SNED1: variants seen among roughly 807,000 people sequenced by gnomAD.
SNED1 encodes the protein sushi, nidogen and EGF-like domain-containing protein 1.
Under a neutral mutation model 166.7 loss-of-function variants are expected in SNED1, and 81 were observed. That is an observed-to-expected ratio of 0.49 (90% CI 0.41 to 0.58). The LOEUF (loss-of-function observed/expected upper bound fraction) is 0.58, where lower values mean the gene tolerates loss of function less well. SNED1 is among the 20% of genes least tolerant of loss of function. The pLI, the probability that SNED1 is intolerant of heterozygous loss-of-function variation, is 0.00. For missense variants in SNED1, 1,604 were observed against 2,000.2 expected (o/e 0.80, Z 3.78); for synonymous variants, 762 against 822.0 (o/e 0.93, Z 1.25).
At chr2:241,084,182 G>A (rs1347315609) in intron 29 of SNED1, among the ~76,000 whole-genome samples, 2 of 143,354 alleles carry the variant, frequency 1.4e-5, no homozygotes, top group Non-Finnish European at 3.0e-5. Context: ...TGTCCCCCAG[G>A]CTGGAGTGCG....
Position 241,093,387 on chromosome 2 carries a change from C to G in SNED1, c.*1751C>G, listed in dbSNP as rs1254618752. Reference sequence around the variant, plus strand: ...TAGGTGAATCCTACTAGGAAACTTTCTACTCCCTACTAGGACCTCAAGCCC... The same window carrying G: ...TAGGTGAATCCTACTAGGAAACTTTGTACTCCCTACTAGGACCTCAAGCCC... On this transcript the variant is annotated 3_prime_UTR_variant, in exon 32 of 32. Coordinates refer to ENST00000310397, the MANE Select transcript of SNED1 (RefSeq NM_001080437.3). 6.5e-6 allele frequency: 1 copy of G among 152,720 alleles called. No individual in the cohort carries two copies. The highest frequency in any genetic ancestry group is 1.5e-5 in the Non-Finnish European group (1 of 68,060). 9.5% of individuals were successfully genotyped at this position (152,720 alleles called of 1,614,324 possible). A position where few individuals can be genotyped will look rare whatever the true frequency, so the allele number is the denominator to read the frequency against.
In SNED1 at chr2:241,067,960, A is replaced by C. The variant is rs1290564420; in HGVS notation, c.3194+13A>C. The C allele has an allele frequency of 5.0e-6, 8 of 1,595,180 alleles. No individual in the cohort carries two copies. The highest frequency in any genetic ancestry group is 6.0e-6 in the Non-Finnish European group (7 of 1,165,704). On this transcript the variant is annotated intron_variant, in intron 22 of 31. Transcript: ENST00000310397. The stretch of plus-strand genomic sequence containing the variant: ...GGTTCACCTTTAGGTAAGAAGGGAC[A>C]CCCAGAGCATGGGGCTGGGGTGAAG...
intron 1 of SNED1, among the ~76,000 whole-genome samples, chr2:241,005,344 C>T (rs1237294311): frequency 6.6e-6 from 1 of 152,062 alleles, no homozygotes; most frequent in East Asian, 1.9e-4. Context: ...CCTGGGACTA[C>T]AGGTGCCCAC....
In SNED1 at chr2:241,091,409, T is replaced by A. The variant is rs2063978194; in HGVS notation, c.*2-229T>A. 9.9e-6 allele frequency among the ~76,000 whole-genome samples: 1 copy of A among 100,646 alleles called. No individual in the cohort carries two copies. The highest frequency in any genetic ancestry group is 7.8e-5 in the African/African-American group (1 of 12,884). 66.0% of individuals were successfully genotyped at this position (100,646 alleles called of 152,430 possible). A position where few individuals can be genotyped will look rare whatever the true frequency, so the allele number is the denominator to read the frequency against. On this transcript the variant is annotated intron_variant, in intron 31 of 31. Transcript: ENST00000310397. This position sits in a 1 kb window ranked among gnomAD's most constrained non-coding sequence, Gnocchi z 4.1. ...AGATGGGGATGTAGTCGGTGGAGGC[T>A]GCCCCTCCCCGTGTGCACTGCCATA...
rs2064357525 is a variant in SNED1 at position 241,095,556 on chromosome 2, T to G, written c.*3920T>G. The stretch of plus-strand genomic sequence containing the variant: ...TTTCATAAAATAAAGTGCTATGATG[T>G]ACTAAAACCTCACATTGCCTTCTCG... On this transcript the variant is annotated 3_prime_UTR_variant, in exon 32 of 32. Transcript: ENST00000310397. 1 of 175,796 alleles carries G rather than the reference T, an allele frequency of 5.7e-6. No homozygotes were observed. The highest frequency in any genetic ancestry group is 5.4e-5 in the Admixed American group (1 of 18,496). 10.9% of individuals were successfully genotyped at this position (175,796 alleles called of 1,614,324 possible).
At chr2:241,067,677 C>T (rs1315144506) in intron 21 of SNED1, 87 bp from the exon 22 acceptor site, 1 of 1,178,294 alleles carries the variant, frequency 8.5e-7, no homozygotes, top group Non-Finnish European at 1.2e-6. Context: ...CCCCAGCACC[C>T]TCCCAAGCCT....
At chr2:241,044,824 G>A (rs954636987) in intron 8 of SNED1, among the ~76,000 whole-genome samples, 8 of 152,244 alleles carry the variant, frequency 5.3e-5, no homozygotes, top group African/African-American at 1.9e-4. Context: ...CCCATTACTT[G>A]GTCCCAGCCA....
intron 1 of SNED1, among the ~76,000 whole-genome samples, chr2:241,017,142 C>T (rs2060623089): frequency 6.6e-6 from 1 of 152,212 alleles, no homozygotes; most frequent in Non-Finnish European, 1.5e-5. Context: ...TGAGCCACCA[C>T]ACCCAGCCAA....
rs897932661 is a variant in SNED1, at chr2:241,093,222, G to C, written c.*1586G>C. The C allele has an allele frequency of 1.3e-5, 2 of 152,634 alleles. No homozygotes were observed. The highest frequency in any genetic ancestry group is 4.8e-5 in the African/African-American group (2 of 41,462). 9.5% of individuals were successfully genotyped at this position (152,634 alleles called of 1,614,324 possible). A position where few individuals can be genotyped will look rare whatever the true frequency, so the allele number is the denominator to read the frequency against. On this transcript the variant is annotated 3_prime_UTR_variant, in exon 32 of 32. Coordinates refer to ENST00000310397, the MANE Select transcript of SNED1 (RefSeq NM_001080437.3). ...TGAAGGGTCTCGAGCTCAGCGAAGGGTCACTGGGTGAACTGAGAGAAACCA... is the reference window on the plus strand; with the variant it reads ...TGAAGGGTCTCGAGCTCAGCGAAGGCTCACTGGGTGAACTGAGAGAAACCA...
intron 1 of SNED1, among the ~76,000 whole-genome samples, chr2:241,016,850 CTTT>C (rs5839783): frequency 4.8e-5 from 6 of 125,808 alleles, no homozygotes; most frequent in Non-Finnish European, 3.3e-5. Context: ...TTCTTTCTTT[CTTT>C]TTTTTTTTTT....
Position 241,037,368 on chromosome 2 carries a change from C to G in SNED1, c.1045+15C>G. On this transcript the variant is annotated intron_variant, in intron 6 of 31. Coordinates refer to ENST00000310397, the MANE Select transcript of SNED1 (RefSeq NM_001080437.3). ...CTGTGAGACAGGTAAGAGGAACCCA[C>G]CGGGGCCCACGGGGCCCTGCTGGGG... 6.4e-7 allele frequency: 1 copy of G among 1,560,704 alleles called. No individual in the cohort carries two copies. The highest frequency in any genetic ancestry group is 8.8e-7 in the Non-Finnish European group (1 of 1,141,700).
At chr2:241,081,109 G>A (rs1016522113) in intron 27 of SNED1, among the ~76,000 whole-genome samples, 3 of 152,250 alleles carry the variant, frequency 2.0e-5, no homozygotes, top group East Asian at 1.9e-4. Context: ...ATCACAGGCC[G>A]CCTGGGCTGG....
intron 31 of SNED1, chr2:241,089,893 C>A: frequency 6.7e-7 from 1 of 1,503,236 alleles, no homozygotes; most frequent in Non-Finnish European, 8.9e-7. Flanking sequence ...ATACTGTAGG[C>A]GGTCGTAACA....
intron 27 of SNED1, among the ~76,000 whole-genome samples, chr2:241,078,981 GCA>G: frequency 6.6e-6 from 1 of 151,866 alleles, no homozygotes; most frequent in East Asian, 1.9e-4. Context: ...AGGCATGGTG[GCA>G]CACGCCTATA....
In SNED1 at chr2:241,067,888, T is replaced by C. The variant is rs2062528816; in HGVS notation, c.3135T>C (p.Pro1045=). 1 of 1,613,482 alleles carries C rather than the reference T, an allele frequency of 6.2e-7. No individual in the cohort carries two copies. The highest frequency in any genetic ancestry group is 8.5e-7 in the Non-Finnish European group (1 of 1,179,840). Residue 1045 remains proline (P), a synonymous_variant, in exon 22 of 32, where the codon CCT becomes CCC. Transcript: ENST00000310397. ...VSGVRVSIRH[P]EALRDQATDV... ...GGGTCCGTGTGTCCATCCGCCACCCTGAGGCCCTCAGGGACCAGGCCACCG... is the reference window on the plus strand; with the variant it reads ...GGGTCCGTGTGTCCATCCGCCACCCCGAGGCCCTCAGGGACCAGGCCACCG...
chr2:241,063,346 C>T (rs905090914), intron 17 of SNED1: 8 of 553,522 alleles, frequency 1.4e-5, no homozygotes, highest in Admixed American at 1.2e-4. Flanking sequence ...CCTCCCATTG[C>T]GGAGTGGCCT....
chr2:241,035,904 G>A (rs2061341481), intron 4 of SNED1, among the ~76,000 whole-genome samples: 1 of 100,698 alleles, frequency 9.9e-6, no homozygotes. Context: ...GGGGTGGGGG[G>A]TGCAGGCGTG....
Position 241,038,013 on chromosome 2 carries a change from G to A in SNED1, c.1045+660G>A, listed in dbSNP as rs117889080. 6.1e-3 allele frequency among the ~76,000 whole-genome samples: 920 copies of A among 151,784 alleles called. 38 individuals carry two copies. In the East Asian group the frequency reaches 0.1, roughly 17 times the overall value. ...AGCCTCTACTTACTGCCCTTCCCCC[G>A]GCACCTCTTTAGGCCCCTCACCCAT... On this transcript the variant is annotated intron_variant, in intron 6 of 31. Coordinates refer to ENST00000310397, the MANE Select transcript of SNED1 (RefSeq NM_001080437.3).
At position 241,037,403 on chromosome 2, in the gene SNED1, C is replaced by T. The variant is rs768764421; in HGVS notation, c.1045+50C>T. ...CGGGGCCCTGCTGGGGGCAGGATAG[C>T]GGGAGACACAGCTGGACAAGGCTGA... On this transcript the variant is annotated intron_variant, in intron 6 of 31. Transcript: ENST00000310397. 27 of 1,242,372 alleles carry T rather than the reference C, an allele frequency of 2.2e-5. No individual in the cohort carries two copies. The South Asian group carries it at 2.3e-4, about 11-fold the overall frequency. 77.0% of individuals were successfully genotyped at this position (1,242,372 alleles called of 1,614,324 possible). A position where few individuals can be genotyped will look rare whatever the true frequency, so the allele number is the denominator to read the frequency against.
Sources: gnomAD v4.1 joint callset for allele counts (sites outside exome capture counted in the v4.1 genomes callset) on GRCh38, gnomAD v4.1.1 for gene constraint, Gnocchi (gnomAD v3.1) non-coding constraint, MANE v1.5 for transcripts, NCBI Gene and HGNC (gene_info 2026-07-23, HGNC 2026-07-21) for gene names.